The following RASGRP3 variants were observed in gnomAD, a reference collection of about 807,000 sequenced individuals.
RASGRP3 encodes the protein RAS guanyl releasing protein 3, also known as ras guanyl-releasing protein 3.
Under a neutral mutation model 82.7 loss-of-function variants are expected in RASGRP3, and 54 were observed. The observed-to-expected ratio is 0.65, with a 90% CI of 0.52 to 0.82. The LOEUF is 0.82. Among genes scored for constraint, RASGRP3 ranks in the 40% least tolerant of loss-of-function variants. The pLI is 0.00. For synonymous variants in RASGRP3, 309 were observed against 300.5 expected (o/e 1.03, Z -0.29); for missense variants, 861 against 828.9 (o/e 1.04, Z -0.48).
chr2:33,485,356 G>A lies in RASGRP3; in HGVS notation c.-261+8649G>A, dbSNP rs113623305. Among the ~76,000 whole-genome samples, 877 of 152,300 alleles carry A rather than the reference G, an allele frequency of 5.8e-3. 6 individuals carry two copies. Among genetic ancestry groups the A allele is most frequent in the African/African-American group, 0.02 (838 of 41,562 alleles). On this transcript the variant is annotated intron_variant, in intron 1 of 17. Coordinates refer to ENST00000403687, the MANE Select transcript of RASGRP3 (RefSeq NM_001139488.2). ...GGACAAAGAAATATCCCTGGACTCT[G>A]GATTTGTGATTGCACCCTGCAGTCT... is the stretch of plus-strand genomic sequence containing the variant.
chr2:33,490,812 T>C (rs1382157912), intron 1 of RASGRP3, among the ~76,000 whole-genome samples: 1 of 150,686 alleles, frequency 6.6e-6, no homozygotes, highest in South Asian at 2.1e-4. Context: ...TAACTGCAAC[T>C]CAAGATCCAC....
intron 1 of RASGRP3, among the ~76,000 whole-genome samples, chr2:33,505,460 T>G (rs1052478715): frequency 2.0e-5 from 3 of 151,826 alleles, no homozygotes; most frequent in African/African-American, 7.3e-5. Context: ...GAGCCACCAC[T>G]CCCGGCTAAT....
chr2:33,489,155 C>G (rs1668638711), intron 1 of RASGRP3, among the ~76,000 whole-genome samples: 1 of 152,276 alleles, frequency 6.6e-6, no homozygotes. Flanking sequence ...TCCCAAAATG[C>G]TCACGACAGC....
At chr2:33,497,914 A>G (rs751743379) in intron 1 of RASGRP3, among the ~76,000 whole-genome samples, 2 of 152,164 alleles carry the variant, frequency 1.3e-5, no homozygotes, top group African/African-American at 2.4e-5. Flanking sequence ...AAGAAATGGG[A>G]TTTAAACTAG....
intron 1 of RASGRP3, among the ~76,000 whole-genome samples, chr2:33,439,054 C>T (rs1456777986): frequency 6.6e-6 from 1 of 152,144 alleles, no homozygotes; most frequent in African/African-American, 2.4e-5. Flanking sequence ...CACGATGATT[C>T]TTGTGTATTT....
intron 1 of RASGRP3, among the ~76,000 whole-genome samples, chr2:33,499,355 C>T (rs563387019): frequency 6.8e-4 from 104 of 152,186 alleles, no homozygotes; most frequent in African/African-American, 2.4e-3. Context: ...CTCAGGAGTT[C>T]GAGACCAGCC....
intron 1 of RASGRP3, among the ~76,000 whole-genome samples, chr2:33,441,400 T>C (rs952600259): frequency 1.3e-5 from 2 of 152,196 alleles, no homozygotes; most frequent in South Asian, 2.1e-4. Flanking sequence ...GGTGTCAACC[T>C]CCTCTCCTTG....
intron 11 of RASGRP3, among the ~76,000 whole-genome samples, chr2:33,536,131 GTC>G (rs1673579632): frequency 6.6e-6 from 1 of 151,788 alleles, no homozygotes. Flanking sequence ...GGAGAACCTT[GTC>G]TCTACTAAAA....
At chr2:33,535,124 A>G (rs148641284) in intron 11 of RASGRP3, among the ~76,000 whole-genome samples, 5,094 of 152,330 alleles carry the variant, frequency 0.033, 125 homozygotes, top group South Asian at 0.07. Context: ...CATCTCGATC[A>G]TAATTTACAA....
At chr2:33,559,575 A>G in intron 17 of RASGRP3, 1 of 518,152 alleles carries the variant, frequency 1.9e-6, no homozygotes, top group Non-Finnish European at 3.9e-6. Context: ...ATGCAAAGCA[A>G]AGTAGGATGC....
At chr2:33,553,152 T>C (rs1471700426) in intron 14 of RASGRP3, among the ~76,000 whole-genome samples, 1 of 151,026 alleles carries the variant, frequency 6.6e-6, no homozygotes, top group African/African-American at 2.4e-5. Context: ...GATATTAGGA[T>C]GTCTCTTCTT....
At chr2:33,502,451 C>T (rs903262091) in intron 1 of RASGRP3, among the ~76,000 whole-genome samples, 1 of 151,602 alleles carries the variant, frequency 6.6e-6, no homozygotes, top group African/African-American at 2.4e-5. Context: ...CAACAACATC[C>T]TTATTCCTAT....
In RASGRP3 at chr2:33,541,512, C is replaced by T. The variant is rs145203343; in HGVS notation, c.1279-2000C>T. On this transcript the variant is annotated intron_variant, in intron 12 of 17. Transcript: ENST00000403687. ...ATATTGTGGCTATTTACGTCACTAA[C>T]TTGATACAAGAGTACCTGTTGTCTC... Among the ~76,000 whole-genome samples the T allele has an allele frequency of 2.4e-3, 356 of 147,096 alleles. 12 individuals are homozygous for T. Among genetic ancestry groups the T allele is most frequent in the African/African-American group, 7.0e-3 (287 of 41,240 alleles).
At chr2:33,464,646 T>C (rs1434934294) in intron 2 of RASGRP3, among the ~76,000 whole-genome samples, 1 of 152,146 alleles carries the variant, frequency 6.6e-6, no homozygotes, top group Non-Finnish European at 1.5e-5. Flanking sequence ...CTGATTTCTT[T>C]TCTTACATTT....
chr2:33,509,472 A>T (rs1049721305), intron 1 of RASGRP3, among the ~76,000 whole-genome samples: 2 of 152,178 alleles, frequency 1.3e-5, no homozygotes, highest in African/African-American at 4.8e-5. Context: ...CTTTGGATAA[A>T]GGATATACTC....
At chr2:33,517,025 A>G (rs1671532581) in intron 4 of RASGRP3, among the ~76,000 whole-genome samples, 1 of 152,254 alleles carries the variant, frequency 6.6e-6, no homozygotes, top group Admixed American at 6.5e-5. Flanking sequence ...CAGCTTAATC[A>G]TATGGAAATA....
chr2:33,537,326 C>CCCA (rs1673741598), intron 11 of RASGRP3, among the ~76,000 whole-genome samples: 1 of 58,800 alleles, frequency 1.7e-5, no homozygotes, highest in Non-Finnish European at 3.3e-5. Flanking sequence ...ACACACCGCC[C>CCCA]CCCCCACACA....
chr2:33,515,153 T>C lies in RASGRP3; in HGVS notation c.17T>C (p.Leu6Pro), dbSNP rs757953919. Residue 6 changes from leucine (L) to proline (P), a missense_variant, in exon 3 of 18, where the codon CTT (leucine) becomes CCT (proline). Transcript: ENST00000403687. MGSSG[L>P]GKAATLDELL... is the part of the protein sequence containing the mutation. ...TAAATAACCATGGGATCAAGTGGCCTTGGGAAAGCAGCAACATTAGATGAA... is the reference window on the plus strand; with the variant it reads ...TAAATAACCATGGGATCAAGTGGCCCTGGGAAAGCAGCAACATTAGATGAA... 36 of 1,613,868 alleles carry C rather than the reference T, an allele frequency of 2.2e-5. No homozygotes were observed. Among genetic ancestry groups the C allele is most frequent in the Admixed American group, 1.5e-4 (9 of 60,004 alleles).
At chr2:33,552,110 G>A (rs529719207) in intron 14 of RASGRP3, among the ~76,000 whole-genome samples, 1 of 152,172 alleles carries the variant, frequency 6.6e-6, no homozygotes, top group Non-Finnish European at 1.5e-5. Context: ...GATTCTGTAG[G>A]AGCAGCAAGG....
Sources: allele counts gnomAD v4.1 joint callset (sites outside exome capture counted in the v4.1 genomes callset), GRCh38; gene constraint gnomAD v4.1.1; transcripts MANE v1.5; gene names NCBI Gene and HGNC (gene_info 2026-07-23, HGNC 2026-07-21).